Variants in FAM163A observed in about 807,000 individuals in gnomAD.
FAM163A encodes family with sequence similarity 163 member A.
In FAM163A, 7 loss-of-function variants were observed where a neutral mutation model predicts 12.0. The ratio of observed to expected loss-of-function variants is 0.58; its 90% CI spans 0.33 to 1.10. The LOEUF is 1.10. Ranked by LOEUF, FAM163A falls within the 50% of genes least tolerant of loss-of-function variation. The pLI is 0.03. For synonymous variants in FAM163A, 101 were observed against 91.0 expected, an observed-to-expected ratio of 1.11 and a Z score of -0.62; for missense variants, 202 against 218.6, an observed-to-expected ratio of 0.92 and a Z score of 0.48.
intron 1 of FAM163A, among the ~76,000 whole-genome samples, chr1:179,768,258 T>G (rs1571387551): frequency 2.6e-5 from 4 of 152,302 alleles, no homozygotes; most frequent in Admixed American, 2.6e-4. Context: ...GGTCACTTCC[T>G]CAGAAGTTTT....
intron 4 of FAM163A, among the ~76,000 whole-genome samples, 180 bp downstream of exon 4, chr1:179,813,370 C>G (rs1199662230): frequency 6.6e-6 from 1 of 152,190 alleles, no homozygotes; most frequent in Non-Finnish European, 1.5e-5. Context: ...TAAGTGCCCC[C>G]CAGCCTGCCC....
intron 1 of FAM163A, among the ~76,000 whole-genome samples, chr1:179,771,153 G>A (rs1205503635): frequency 6.6e-6 from 1 of 152,132 alleles, no homozygotes; most frequent in Non-Finnish European, 1.5e-5. Context: ...GACCAGGACA[G>A]TGCCTTCTGA....
At chr1:179,756,520 G>A (rs1168503272) in intron 1 of FAM163A, among the ~76,000 whole-genome samples, 2 of 152,206 alleles carry the variant, frequency 1.3e-5, no homozygotes, top group Non-Finnish European at 2.9e-5. Context: ...TACTCTGGGG[G>A]AAAGAGCAGG....
rs533246917 is a variant in FAM163A, at chr1:179,753,488, A to G, written c.-136+10065A>G. 2.3e-4 allele frequency among the ~76,000 whole-genome samples: 35 copies of G among 152,328 alleles called. No homozygotes were observed. In the South Asian group the frequency reaches 7.2e-3, roughly 32 times the overall value. On this transcript the variant is annotated intron_variant, in intron 1 of 4. Transcript: ENST00000341785. ...AAGCCAATGGAAAGGGCACAGTTTA[A>G]TGGAAATGTTATTATAGATGAAAGG...
At chr1:179,783,747 T>TTATA (rs200478493) in intron 1 of FAM163A, among the ~76,000 whole-genome samples, 55 of 85,328 alleles carry the variant, frequency 6.4e-4, no homozygotes, top group African/African-American at 3.7e-3. Flanking sequence ...AGCCCAAATA[T>TTATA]TATATATATA....
chr1:179,780,979 A>G (rs1159827299), intron 1 of FAM163A, among the ~76,000 whole-genome samples: 1 of 152,182 alleles, frequency 6.6e-6, no homozygotes, highest in African/African-American at 2.4e-5. Flanking sequence ...AAGTGTTTTG[A>G]GATCTCAGAA....
In FAM163A at chr1:179,815,103, G is replaced by GCACACACACA. The variant is rs1269140609; in HGVS notation, c.*915_*916insACACACACAC. The GCACACACACA allele has an allele frequency of 1.7e-5, 2 of 117,520 alleles. No individual in the cohort carries two copies. The highest frequency in any genetic ancestry group is 4.0e-5 in the African/African-American group (1 of 25,066). 7.3% of individuals were successfully genotyped at this position (117,520 alleles called of 1,614,324 possible). A position where few individuals can be genotyped will look rare whatever the true frequency, so the allele number is the denominator to read the frequency against. Reference sequence around the variant, plus strand: ...CGTTCCCAGGTGTACGCACGCGCGCGCGCGCGCACAGACACACACACACAC... The same window carrying GCACACACACA: ...CGTTCCCAGGTGTACGCACGCGCGCGCACACACACACGCGCGCACAGACACACACACACAC... On this transcript the variant is annotated 3_prime_UTR_variant, in exon 5 of 5. Transcript: ENST00000341785.
chr1:179,778,220 C>A (rs1689242525), intron 1 of FAM163A, among the ~76,000 whole-genome samples: 1 of 152,086 alleles, frequency 6.6e-6, no homozygotes, highest in African/African-American at 2.4e-5. Context: ...AACGTAGAAC[C>A]CAGGGCTGGC....
At chr1:179,803,450 A>G (rs1353119735) in intron 1 of FAM163A, among the ~76,000 whole-genome samples, 3 of 152,240 alleles carry the variant, frequency 2.0e-5, no homozygotes, top group Non-Finnish European at 2.9e-5. Flanking sequence ...CAGATACAGC[A>G]GAGACCCCTG....
At chr1:179,806,964 C>T (rs1166484098) in intron 1 of FAM163A, among the ~76,000 whole-genome samples, 11 of 151,954 alleles carry the variant, frequency 7.2e-5, no homozygotes, top group Admixed American at 6.6e-4. Context: ...TAGCTGGGCA[C>T]GGTGGCATGT....
intron 1 of FAM163A, among the ~76,000 whole-genome samples, chr1:179,770,436 C>T (rs535302895): frequency 7.2e-5 from 11 of 152,084 alleles, no homozygotes; most frequent in South Asian, 4.2e-4. Flanking sequence ...CACTCATCCC[C>T]GTGTACTTAA....
Position 179,815,103 on chromosome 1 carries a change from GCGCGCGCACAGACACACACACACACACA to G in FAM163A, c.*916_*943del, listed in dbSNP as rs1382647806. 1.4e-4 allele frequency: 17 copies of G among 117,460 alleles called. No individual in the cohort carries two copies. The highest frequency in any genetic ancestry group is 2.9e-4 in the Non-Finnish European group (17 of 59,630). The allele number at this position is 117,460 out of a possible 1,614,324, so 7.3% of individuals were successfully genotyped here. On this transcript the variant is annotated 3_prime_UTR_variant, in exon 5 of 5. Transcript: ENST00000341785. ...CGTTCCCAGGTGTACGCACGCGCGC[GCGCGCGCACAGACACACACACACACACA>G]CACACACACACACACACACAGTAAC...
At position 179,790,963 on chromosome 1, in the gene FAM163A, A is replaced by AAAT. The variant is rs1008698424; in HGVS notation, c.-135-16833_-135-16832insTAA. ...AAAAGAACAGAACACGAAAGGAAACAAACTAGAGCTCCCATCAGTTATTTG... is the reference window on the plus strand; with the variant it reads ...AAAAGAACAGAACACGAAAGGAAACAAATAACTAGAGCTCCCATCAGTTATTTG... On this transcript the variant is annotated intron_variant, in intron 1 of 4. Transcript: ENST00000341785. Among the ~76,000 whole-genome samples the AAAT allele has an allele frequency of 3.2e-4, 48 of 152,254 alleles. 1 individual carries two copies. The highest frequency in any genetic ancestry group is 2.3e-3 in the Admixed American group (35 of 15,298).
rs775531242 is a variant in FAM163A at position 179,815,091 on chromosome 1, A to ACGCG, written c.*905_*906insGCGC. On this transcript the variant is annotated 3_prime_UTR_variant, in exon 5 of 5. Transcript: ENST00000341785. ...GGTGTGCATAACCGTTCCCAGGTGT[A>ACGCG]CGCACGCGCGCGCGCGCGCACAGAC... The ACGCG allele has an allele frequency of 1.0e-5, 1 of 96,948 alleles. No individual in the cohort carries two copies. Among genetic ancestry groups the ACGCG allele is most frequent in the African/African-American group, 7.0e-5 (1 of 14,258 alleles). 6.0% of individuals were successfully genotyped at this position (96,948 alleles called of 1,614,324 possible).
intron 1 of FAM163A, among the ~76,000 whole-genome samples, chr1:179,770,197 G>A (rs7517022): frequency 0.11 from 17,390 of 151,640 alleles, 1,101 homozygotes; most frequent in Non-Finnish European, 0.13. Flanking sequence ...GAGCCACCGC[G>A]CCTGGCCTCT....
intron 1 of FAM163A, among the ~76,000 whole-genome samples, chr1:179,757,791 G>A (rs1378477171): frequency 6.6e-6 from 1 of 151,408 alleles, no homozygotes. Context: ...CAGCCTGAGC[G>A]ACAAAGCGAG....
chr1:179,728,223 T>G, the FAM163A span, among the ~76,000 whole-genome samples: 15 of 152,212 alleles, frequency 9.9e-5, no homozygotes, highest in Non-Finnish European at 1.8e-4. Flanking sequence ...TAAAAATGTT[T>G]TCAAACTGTG....
upstream of FAM163A, among the ~76,000 whole-genome samples, chr1:179,740,299 C>T (rs1683482841): frequency 6.6e-6 from 1 of 152,138 alleles, no homozygotes; most frequent in African/African-American, 2.4e-5. Flanking sequence ...CCCCTTTAGC[C>T]TCTTGTGTAG....
chr1:179,774,872 C>A (rs538355502), intron 1 of FAM163A, among the ~76,000 whole-genome samples: 34 of 152,290 alleles, frequency 2.2e-4, no homozygotes, highest in African/African-American at 7.5e-4. Flanking sequence ...AGCCCCCAGG[C>A]CCGTCTGTTC....
Sources: gnomAD v4.1 joint callset for allele counts (sites outside exome capture counted in the v4.1 genomes callset) on GRCh38, gnomAD v4.1.1 for gene constraint, MANE v1.5 for transcripts, NCBI Gene and HGNC (gene_info 2026-07-23, HGNC 2026-07-21) for gene names.